RIMOC1: variants seen among roughly 807,000 people sequenced by gnomAD.
The protein encoded by RIMOC1 is RAB7A interacting MON1-CCZ1 complex subunit 1.
the RIMOC1 span, among the ~76,000 whole-genome samples, chr5:41,914,456 C>CAAACAAAACA: frequency 0.024 from 3,482 of 146,578 alleles, 100 homozygotes; most frequent in Admixed American, 0.074. Context: ...GACTCTGTCT[C>CAAACAAAACA]AAACAAAACA....
At chr5:41,913,389 C>T in the RIMOC1 span, among the ~76,000 whole-genome samples, 5 of 152,156 alleles carry the variant, frequency 3.3e-5, no homozygotes, top group African/African-American at 7.2e-5. Flanking sequence ...CTGCCACAAG[C>T]GTCTGTGTAC....
chr5:41,907,103 G>A, the RIMOC1 span, among the ~76,000 whole-genome samples: 1 of 152,106 alleles, frequency 6.6e-6, no homozygotes, highest in South Asian at 2.1e-4. Context: ...CGGAGGGAGG[G>A]TGAATTGTGA....
At chr5:41,917,758 A>G in the RIMOC1 span, 1 of 925,444 alleles carries the variant, frequency 1.1e-6, no homozygotes, top group Admixed American at 6.2e-5. Flanking sequence ...AATGTAGGCA[A>G]AATGAAAGAT....
At chr5:41,914,499 A>C in the RIMOC1 span, among the ~76,000 whole-genome samples, 6 of 129,268 alleles carry the variant, frequency 4.6e-5, no homozygotes, top group African/African-American at 1.7e-4. Flanking sequence ...ACAAAACAAA[A>C]CAAACATAAG....
the RIMOC1 span, among the ~76,000 whole-genome samples, chr5:41,905,139 T>C: frequency 6.6e-6 from 1 of 152,236 alleles, no homozygotes. Context: ...TTATTCCTTT[T>C]TGAGTTTGAG....
chr5:41,905,588 G>A, the RIMOC1 span, among the ~76,000 whole-genome samples: 1 of 152,236 alleles, frequency 6.6e-6, no homozygotes, highest in South Asian at 2.1e-4. Context: ...GTTCTTTAAA[G>A]ACCTACAGAC....
the RIMOC1 span, among the ~76,000 whole-genome samples, chr5:41,909,334 G>C: frequency 6.6e-6 from 1 of 152,050 alleles, no homozygotes; most frequent in African/African-American, 2.4e-5. Flanking sequence ...CTGTATTTGG[G>C]AACACAAATC....
chr5:41,918,641 C>T, the RIMOC1 span: 5 of 985,228 alleles, frequency 5.1e-6, no homozygotes, highest in East Asian at 5.7e-4. Flanking sequence ...TGTCTCACTT[C>T]AGCCTTAGAA....
At chr5:41,916,552 G>T in the RIMOC1 span, 9 of 744,846 alleles carry the variant, frequency 1.2e-5, no homozygotes, top group Non-Finnish European at 1.5e-5. Context: ...GAGAATATAA[G>T]AGGTCTAGGA....
the RIMOC1 span, chr5:41,909,613 C>G: frequency 2.0e-6 from 1 of 511,756 alleles, no homozygotes; most frequent in Non-Finnish European, 3.2e-6. Context: ...TTGCCTACTT[C>G]TCAAATTTAC....
the RIMOC1 span, chr5:41,920,662 C>G: frequency 6.6e-6 from 1 of 152,142 alleles, no homozygotes. Flanking sequence ...TGGTTGGGAA[C>G]TGTCTACTGC....
At chr5:41,914,818 C>T in the RIMOC1 span, among the ~76,000 whole-genome samples, 28 of 151,962 alleles carry the variant, frequency 1.8e-4, no homozygotes, top group African/African-American at 6.0e-4. Flanking sequence ...TATCTGAACA[C>T]GATTAGATTA....
chr5:41,921,042 C>G, the RIMOC1 span: 1 of 152,590 alleles, frequency 6.6e-6, no homozygotes, highest in Non-Finnish European at 1.5e-5. Flanking sequence ...CCTGTGTGCT[C>G]TGCTGCATTT....
At chr5:41,917,199 A>G in the RIMOC1 span, 1 of 1,613,870 alleles carries the variant, frequency 6.2e-7, no homozygotes, top group Non-Finnish European at 8.5e-7. Flanking sequence ...AAAATCTTGA[A>G]AAAGTATGTA....
At chr5:41,913,340 T>G in the RIMOC1 span, among the ~76,000 whole-genome samples, 2 of 151,976 alleles carry the variant, frequency 1.3e-5, no homozygotes, top group African/African-American at 2.4e-5. Context: ...AAGAAGGGGG[T>G]ATTGGGGAGA....
At chr5:41,910,784 G>A in the RIMOC1 span, among the ~76,000 whole-genome samples, 1 of 152,002 alleles carries the variant, frequency 6.6e-6, no homozygotes, top group East Asian at 1.9e-4. Context: ...TTGCAAACCT[G>A]TTAGGGGAAT....
At chr5:41,907,974 T>G in the RIMOC1 span, 1 of 633,448 alleles carries the variant, frequency 1.6e-6, no homozygotes, top group Non-Finnish European at 2.7e-6. Context: ...CAAAAAACTA[T>G]GAATAAAACA....
the RIMOC1 span, chr5:41,917,711 A>G: frequency 4.2e-6 from 4 of 956,426 alleles, no homozygotes; most frequent in Non-Finnish European, 5.0e-6. Context: ...ATTAAAGTCA[A>G]GTTACTTCAC....
At chr5:41,918,621 T>A in the RIMOC1 span, 1 of 985,366 alleles carries the variant, frequency 1.0e-6, no homozygotes, top group Non-Finnish European at 1.2e-6. Context: ...CAAAGTAGAA[T>A]CACTACAAGT....
Sources: gnomAD v4.1 joint callset for allele counts (sites outside exome capture counted in the v4.1 genomes callset) on GRCh38, gnomAD v4.1.1 for gene constraint, MANE v1.5 for transcripts, NCBI Gene and HGNC (gene_info 2026-07-23, HGNC 2026-07-21) for gene names.